Variants in PLXNA1 observed in about 807,000 individuals in gnomAD.
The protein encoded by PLXNA1 is plexin-A1.
A neutral mutation model predicts 191.7 loss-of-function variants in PLXNA1; 77 were observed. The ratio of observed to expected loss-of-function variants is 0.40; its 90% CI spans 0.33 to 0.49. The LOEUF is 0.49. Ranked by LOEUF, PLXNA1 falls within the 20% of genes least tolerant of loss-of-function variation. The probability of loss-of-function intolerance (pLI) is 0.63; values close to 1 mark genes in which losing one functional copy is unlikely to be tolerated. For synonymous variants in PLXNA1, 1,137 were observed against 1,156.4 expected (o/e 0.98, Z 0.34); for missense variants, 2,110 against 2,660.2 (o/e 0.79, Z 4.55).
chr3:127,022,843 G>T (rs766010720), intron 23 of PLXNA1, 25 bp downstream of exon 23: 2 of 1,600,208 alleles, frequency 1.2e-6, no homozygotes, highest in African/African-American at 2.7e-5. Context: ...GAGGAAGCAG[G>T]TGTCAGAGGC....
At chr3:126,987,412 T>C (rs2078964797) in intron 1 of PLXNA1, among the ~76,000 whole-genome samples, 1 of 152,134 alleles carries the variant, frequency 6.6e-6, no homozygotes, top group Admixed American at 6.5e-5. Flanking sequence ...GGGACCTGGC[T>C]GTAGGTGGTT....
Position 126,989,264 on chromosome 3 carries a change from T to G in PLXNA1, c.671T>G (p.Phe224Cys). 1.2e-6 allele frequency: 2 copies of G among 1,613,706 alleles called. No individual in the cohort carries two copies. The highest frequency in any genetic ancestry group is 1.7e-6 in the Non-Finnish European group (2 of 1,180,046). The change falls in exon 2 of 32, where the codon TTT (phenylalanine) becomes TGT (cysteine). Residue 224 changes from phenylalanine to cysteine, a missense_variant. This residue lies in a region of PLXNA1 where 903 missense variants were observed against 1,015.7 expected (regional missense o/e 0.89). Transcript: ENST00000393409. ...DMFGFVYQDE[F>C]VSSQLKIPSD... ...TTCGGCTTCGTGTACCAGGATGAGT[T>G]TGTGTCATCACAGCTCAAGATCCCT...
In PLXNA1 at chr3:127,022,120, C is replaced by A. The variant is rs1260451040; in HGVS notation, c.4074C>A (p.Phe1358Leu). 1 of 1,612,986 alleles carries A rather than the reference C, an allele frequency of 6.2e-7. No individual in the cohort carries two copies. The highest frequency in any genetic ancestry group is 2.2e-5 in the East Asian group (1 of 44,890). The change falls in exon 22 of 32, where the codon TTC becomes TTA. Residue 1358 changes from phenylalanine (F) to leucine (L), a missense_variant. By Grantham distance (22) the Phe-to-Leu change is conservative (BLOSUM62 0). Transcript: ENST00000393409. The stretch of plus-strand genomic sequence containing the variant: ...ATGTGGAGAAGTCGCTGACACTGTT[C>A]GGGCAGCTGCTGACCAAGAAGCACT... ...QANVEKSLTL[F>L]GQLLTKKHFL...
chr3:126,991,151 G>A (rs73861738), intron 2 of PLXNA1, among the ~76,000 whole-genome samples: 5,574 of 152,282 alleles, frequency 0.037, 329 homozygotes, highest in African/African-American at 0.13. Context: ...CAGCTGCTCC[G>A]GAACCTCAAG....
chr3:127,015,341 T>TGGGGGGGGGGGG, intron 15 of PLXNA1, 21 bp downstream of exon 15: 4 of 1,391,174 alleles, frequency 2.9e-6, no homozygotes, highest in Admixed American at 4.2e-5. Context: ...CAGGTGGGGG[T>TGGGGGGGGGGGG]GGGGGCCTGG....
At chr3:127,029,131 C>T (rs779926953) in intron 26 of PLXNA1, 35 bp downstream of exon 26, 34 of 1,536,182 alleles carry the variant, frequency 2.2e-5, no homozygotes, top group Middle Eastern at 3.4e-4. Context: ...GCACAGGCCT[C>T]CCTCCCCTTG....
intron 9 of PLXNA1, among the ~76,000 whole-genome samples, chr3:127,009,101 C>T (rs1160972284): frequency 6.6e-6 from 1 of 151,324 alleles, no homozygotes; most frequent in African/African-American, 2.5e-5. Context: ...GAGAGCTGGG[C>T]ATGAAGTCAC....
In PLXNA1 at chr3:126,983,589, C is replaced by T. The variant is rs1262479698; in HGVS notation, c.-74+302C>T. Among the ~76,000 whole-genome samples, 19 of 147,436 alleles carry T rather than the reference C, an allele frequency of 1.3e-4. 1 individual carries two copies. The South Asian group carries it at 3.7e-3, about 29-fold the overall frequency. On this transcript the variant is annotated intron_variant, in intron 1 of 31. Coordinates refer to ENST00000393409, the MANE Select transcript of PLXNA1 (RefSeq NM_032242.4). ...GTGCGGCGGGGCTGGGACCGCGGCCCGGGATCCAGCGCCGCGGCCTCCCCC... is the reference window on the plus strand; with the variant it reads ...GTGCGGCGGGGCTGGGACCGCGGCCTGGGATCCAGCGCCGCGGCCTCCCCC...
In PLXNA1 at chr3:126,988,732, A is replaced by G. The variant is rs1403480484; in HGVS notation, c.139A>G (p.Ser47Gly). The G allele has an allele frequency of 2.5e-6, 4 of 1,582,820 alleles. No individual in the cohort carries two copies. The highest frequency in any genetic ancestry group is 3.4e-6 in the Non-Finnish European group (4 of 1,161,610). The change falls in exon 2 of 32, where the codon AGC (serine) becomes GGC (glycine). Residue 47 changes from serine (S) to glycine (G), a missense_variant. Ser to Gly is a moderately conservative substitution (Grantham distance 56). Coordinates refer to ENST00000393409, the MANE Select transcript of PLXNA1 (RefSeq NM_032242.4). ...SQPPFRTFSA[S>G]DWGLTHLVVH... ...GCCCCCCTTCCGCACCTTCTCGGCC[A>G]GCGACTGGGGCCTCACCCACCTAGT... is the stretch of plus-strand genomic sequence containing the variant.
In PLXNA1 at chr3:127,033,977, A is replaced by G; in HGVS notation, c.5651A>G (p.Lys1884Arg). 1 of 1,606,060 alleles carries G rather than the reference A, an allele frequency of 6.2e-7. No individual in the cohort carries two copies. The highest frequency in any genetic ancestry group is 8.5e-7 in the Non-Finnish European group (1 of 1,177,644). ...GCGCGGCGGCAGCGGCTGCGGAGCA[A>G]GCTGGAGCAGGTGGTGGACACGATG... ...EQARRQRLRS[K>R]LEQVVDTMAL... The change falls in exon 32 of 32, where the codon AAG becomes AGG. Residue 1884 changes from lysine (K) to arginine (R), a missense_variant. Physicochemically the swap from Lys to Arg is conservative, Grantham distance 26. Transcript: ENST00000393409.
intron 8 of PLXNA1, among the ~76,000 whole-genome samples, chr3:127,007,279 A>C (rs555812776): frequency 6.6e-6 from 1 of 152,308 alleles, no homozygotes; most frequent in African/African-American, 2.4e-5. Flanking sequence ...CCAGCCTGGC[A>C]GACCCTGGGG....
chr3:126,988,808 A>G lies in PLXNA1; in HGVS notation c.215A>G (p.Tyr72Cys), dbSNP rs2078974421. 6.2e-6 allele frequency: 10 copies of G among 1,613,014 alleles called. No individual in the cohort carries two copies. Among genetic ancestry groups the G allele is most frequent in the Non-Finnish European group, 8.5e-6 (10 of 1,179,772 alleles). ...EVYVGAVNRI[Y>C]KLSGNLTLLR... ...TATGTGGGCGCAGTGAACCGCATCT[A>G]TAAGCTGTCGGGGAACCTGACACTG... The change falls in exon 2 of 32, where the codon TAT becomes TGT. Residue 72 changes from tyrosine (Y) to cysteine (C), a missense_variant. By Grantham distance (194) the Tyr-to-Cys change is radical. This residue lies in a region of PLXNA1 where 903 missense variants were observed against 1,015.7 expected (regional missense o/e 0.89). Coordinates refer to ENST00000393409, the MANE Select transcript of PLXNA1 (RefSeq NM_032242.4).
Position 127,015,336 on chromosome 3 carries a change from G to A in PLXNA1, c.3014+16G>A. ...CCTTCTCCTGGTACGGGGTGCAGGTGGGGGTGGGGGCCTGGCTGCCCCTCC... is the reference window on the plus strand; with the variant it reads ...CCTTCTCCTGGTACGGGGTGCAGGTAGGGGTGGGGGCCTGGCTGCCCCTCC... On this transcript the variant is annotated intron_variant, in intron 15 of 31. Coordinates refer to ENST00000393409, the MANE Select transcript of PLXNA1 (RefSeq NM_032242.4). 6.3e-7 allele frequency: 1 copy of A among 1,587,978 alleles called. No homozygotes were observed. The highest frequency in any genetic ancestry group is 8.5e-7 in the Non-Finnish European group (1 of 1,169,904).
chr3:127,018,632 C>T (rs1347540655), intron 20 of PLXNA1, 104 bp downstream of exon 20: 2 of 881,304 alleles, frequency 2.3e-6, no homozygotes, highest in African/African-American at 3.3e-5. Context: ...TGCTTCAGCT[C>T]AGTTTACAAT....
At chr3:127,020,392 T>C (rs773110489) in intron 21 of PLXNA1, 48 bp downstream of exon 21, 2 of 1,600,348 alleles carry the variant, frequency 1.2e-6, no homozygotes, top group Middle Eastern at 1.7e-4. Flanking sequence ...AGGCAGCTGC[T>C]ATCTTCTGCC....
chr3:127,033,778 G>A (rs2079224429), intron 31 of PLXNA1, 144 bp from the exon 32 acceptor site: 1 of 638,228 alleles, frequency 1.6e-6, no homozygotes, highest in Non-Finnish European at 2.8e-6. Flanking sequence ...GGTCCTGGAG[G>A]GTCCAGGCTC....
At position 127,018,394 on chromosome 3, in the gene PLXNA1, G is replaced by T. The variant is rs539016754; in HGVS notation, c.3761G>T (p.Gly1254Val). 3.4e-5 allele frequency: 55 copies of T among 1,613,070 alleles called. No homozygotes were observed. In the African/African-American group the frequency reaches 4.5e-4, roughly 13 times the overall value. Reference sequence around the variant, plus strand: ...ATTGTGGGCATTGGCGGAGGCGGGGGTCTCCTGCTGCTGGTCATCGTGGCT... The same window carrying T: ...ATTGTGGGCATTGGCGGAGGCGGGGTTCTCCTGCTGCTGGTCATCGTGGCT... Reference protein sequence around the residue: ...PAIVGIGGGGGLLLLVIVAVL... With the variant: ...PAIVGIGGGGVLLLLVIVAVL... Residue 1254 changes from glycine (G) to valine (V), a missense_variant, in exon 20 of 32, where the codon GGT becomes GTT. Transcript: ENST00000393409.
intron 14 of PLXNA1, 48 bp from the exon 15 acceptor site, chr3:127,015,136 C>T: frequency 2.5e-6 from 4 of 1,579,656 alleles, no homozygotes; most frequent in Non-Finnish European, 3.4e-6. Context: ...CCCATGTGGC[C>T]CGAGGGGGAC....
chr3:127,028,158 C>T (rs75736787), intron 24 of PLXNA1, 23 bp from the exon 25 acceptor site: 1 of 1,613,160 alleles, frequency 6.2e-7, no homozygotes, highest in Non-Finnish European at 8.5e-7. Flanking sequence ...TGACGCTGCC[C>T]CCTTGCTCCA....
Sources: allele counts gnomAD v4.1 joint callset (sites outside exome capture counted in the v4.1 genomes callset), GRCh38; gene constraint gnomAD v4.1.1; regional missense constraint gnomAD v4.1.1; transcripts MANE v1.5; gene names NCBI Gene and HGNC (gene_info 2026-07-23, HGNC 2026-07-21).